The following NUAK1 variants were observed in gnomAD, a reference collection of about 807,000 sequenced individuals.
NUAK1 encodes NUAK family kinase 1.
In NUAK1, 26 loss-of-function variants were observed where a neutral mutation model predicts 56.9. The observed-to-expected ratio is 0.46, with a 90% CI of 0.33 to 0.63. NUAK1 has a LOEUF of 0.63. Ranked by LOEUF, NUAK1 falls within the 30% of genes least tolerant of loss-of-function variation. The probability of loss-of-function intolerance (pLI) is 0.02; values close to 1 mark genes in which losing one functional copy is unlikely to be tolerated. For missense variants in NUAK1, 727 were observed against 876.1 expected, an observed-to-expected ratio of 0.83 and a Z score of 2.15; for synonymous variants, 337 against 336.0, an observed-to-expected ratio of 1.00 and a Z score of -0.03.
chr12:106,102,647 T>A (rs1003122507), intron 2 of NUAK1, among the ~76,000 whole-genome samples: 2 of 152,188 alleles, frequency 1.3e-5, no homozygotes, highest in Admixed American at 6.5e-5. Flanking sequence ...AGTGTCCTCA[T>A]AATAATTATC....
chr12:106,073,637 G>GA, intron 4 of NUAK1, among the ~76,000 whole-genome samples: 1 of 152,028 alleles, frequency 6.6e-6, no homozygotes, highest in Non-Finnish European at 1.5e-5. Flanking sequence ...GGCCAACATG[G>GA]AAAAACCCCG....
intron 2 of NUAK1, among the ~76,000 whole-genome samples, chr12:106,094,897 TAG>T (rs1263389691): frequency 1.3e-5 from 2 of 152,030 alleles, no homozygotes; most frequent in African/African-American, 4.8e-5. Context: ...GTGGCCAGGA[TAG>T]AGAGAGAAGT....
At chr12:106,117,536 T>C (rs780283932) in intron 1 of NUAK1, among the ~76,000 whole-genome samples, 1 of 152,242 alleles carries the variant, frequency 6.6e-6, no homozygotes, top group Non-Finnish European at 1.5e-5. Flanking sequence ...ATGGGCCTAC[T>C]TCACTTGACC....
intron 1 of NUAK1, among the ~76,000 whole-genome samples, chr12:106,119,935 A>G (rs911798203): frequency 1.3e-5 from 2 of 152,172 alleles, no homozygotes; most frequent in African/African-American, 2.4e-5. Flanking sequence ...AATGCCTACA[A>G]TGTTTAAGAG....
At chr12:106,069,754 G>A (rs1013870724) in intron 6 of NUAK1, among the ~76,000 whole-genome samples, 1 of 152,144 alleles carries the variant, frequency 6.6e-6, no homozygotes, top group Non-Finnish European at 1.5e-5. Flanking sequence ...TAACTACTAT[G>A]AATGAGAATC....
chr12:106,067,270 G>C lies in NUAK1; in HGVS notation c.1518C>G (p.Pro506=), dbSNP rs766316370. Residue 506 remains proline, a synonymous_variant, in exon 7 of 7, where the codon CCC becomes CCG. Coordinates refer to ENST00000261402, the MANE Select transcript of NUAK1 (RefSeq NM_014840.3). The surrounding 1 kb of genome is among the most constrained non-coding windows in gnomAD (Gnocchi z 6.0). The part of the protein sequence containing the change: ...VMGSSIPSPS[P]PDPARVTSHS... ...GGGAGGTTACCCTGGCTGGGTCCGG[G>C]GGGCTGGGGGAGGGGATGCTGCTGC... 4.3e-6 allele frequency: 7 copies of C among 1,614,180 alleles called. No individual in the cohort carries two copies. The East Asian group carries it at 1.3e-4, about 31-fold the overall frequency.
intron 6 of NUAK1, among the ~76,000 whole-genome samples, chr12:106,068,392 T>C (rs1565917812): frequency 1.3e-5 from 2 of 152,234 alleles, no homozygotes; most frequent in African/African-American, 4.8e-5. Flanking sequence ...AAAGGTGGGC[T>C]TGTATAAACA....
intron 6 of NUAK1, 82 bp from the exon 7 acceptor site, chr12:106,068,037 A>G (rs1565917751): frequency 7.6e-7 from 1 of 1,317,886 alleles, no homozygotes; most frequent in Non-Finnish European, 1.0e-6. Context: ...AGGAGTGACG[A>G]AAGACACACA....
Position 106,087,082 on chromosome 12 carries a change from C to T in NUAK1, c.362-197G>A, listed in dbSNP as rs1565921154. 5.4e-6 allele frequency: 3 copies of T among 552,662 alleles called. No individual in the cohort carries two copies. In the South Asian group the frequency reaches 8.4e-5, roughly 15 times the overall value. The allele number at this position is 552,662 out of a possible 1,614,324, so 34.2% of individuals were successfully genotyped here. A position where few individuals can be genotyped will look rare whatever the true frequency, so the allele number is the denominator to read the frequency against. On this transcript the variant is annotated intron_variant, in intron 2 of 6. Coordinates refer to ENST00000261402, the MANE Select transcript of NUAK1 (RefSeq NM_014840.3). ...GCCAGGTGGAAAATGGTGTGTGTCACCACCACTGTTCCTGGACACGCCTTT... is the reference window on the plus strand; with the variant it reads ...GCCAGGTGGAAAATGGTGTGTGTCATCACCACTGTTCCTGGACACGCCTTT...
chr12:106,112,564 G>T (rs12316927), intron 1 of NUAK1, among the ~76,000 whole-genome samples: 178 of 152,126 alleles, frequency 1.2e-3, no homozygotes, highest in African/African-American at 4.2e-3. Flanking sequence ...AAATGACCCC[G>T]GGCTCTTTAT....
intron 4 of NUAK1, among the ~76,000 whole-genome samples, chr12:106,083,478 C>A (rs1560758): frequency 0.27 from 40,751 of 152,010 alleles, 5,695 homozygotes; most frequent in East Asian, 0.5. Flanking sequence ...CAGTACCTAC[C>A]TTGTAGAGTT....
intron 1 of NUAK1, among the ~76,000 whole-genome samples, chr12:106,109,087 G>A (rs2032833130): frequency 6.6e-6 from 1 of 152,214 alleles, no homozygotes; most frequent in African/African-American, 2.4e-5. Flanking sequence ...AGGGGTGACA[G>A]GAAGTCAGGA....
chr12:106,098,069 AG>A (rs1159747904), intron 2 of NUAK1, among the ~76,000 whole-genome samples: 1 of 152,184 alleles, frequency 6.6e-6, no homozygotes, highest in Non-Finnish European at 1.5e-5. Context: ...TAAGGAATAC[AG>A]GCTTTTCCAC....
Position 106,070,845 on chromosome 12 carries a change from T to C in NUAK1, c.761A>G (p.Asp254Gly). ...YTLVYGTMPF[D>G]GFDHKNLIRQ... Reference sequence around the variant, plus strand: ...AATGAGGTTTTTGTGATCGAAACCATCGAAGGGCATTGTTCCATAAACAAG... The same window carrying C: ...AATGAGGTTTTTGTGATCGAAACCACCGAAGGGCATTGTTCCATAAACAAG... Residue 254 changes from aspartate to glycine, a missense_variant, in exon 6 of 7, where the codon GAT (aspartate) becomes GGT (glycine). Transcript: ENST00000261402. 1.2e-6 allele frequency: 2 copies of C among 1,614,094 alleles called. No homozygotes were observed. Among genetic ancestry groups the C allele is most frequent in the Non-Finnish European group, 1.7e-6 (2 of 1,180,010 alleles).
intron 1 of NUAK1, among the ~76,000 whole-genome samples, chr12:106,134,249 AC>A (rs1287427154): frequency 6.6e-6 from 1 of 152,252 alleles, no homozygotes; most frequent in Non-Finnish European, 1.5e-5. Context: ...CTTAGCTGCA[AC>A]ATGGCACTTC....
chr12:106,101,186 G>C (rs1197496494), intron 2 of NUAK1, among the ~76,000 whole-genome samples: 2 of 152,178 alleles, frequency 1.3e-5, no homozygotes, highest in African/African-American at 2.4e-5. Flanking sequence ...GTAGGGGCAG[G>C]ATGGAAAAGG....
Position 106,106,583 on chromosome 12 carries a change from T to C in NUAK1, c.241-58A>G, listed in dbSNP as rs1054342903. 10 of 1,536,470 alleles carry C rather than the reference T, an allele frequency of 6.5e-6. No homozygotes were observed. In the African/African-American group the frequency reaches 8.3e-5, roughly 13 times the overall value. The stretch of plus-strand genomic sequence containing the variant: ...GAGCTAAACAGATGCAAATCAGCCA[T>C]TGGGGGAGTTTGGAAAATAAATACA... On this transcript the variant is annotated intron_variant, in intron 1 of 6. Coordinates refer to ENST00000261402, the MANE Select transcript of NUAK1 (RefSeq NM_014840.3).
intron 2 of NUAK1, 194 bp from the exon 3 acceptor site, chr12:106,087,079 T>C (rs2032580306): frequency 3.6e-6 from 2 of 558,342 alleles, no homozygotes; most frequent in East Asian, 3.0e-5. Context: ...ATGGTGTGTG[T>C]CACCACCACT....
Position 106,112,776 on chromosome 12 carries a change from C to T in NUAK1, c.241-6251G>A, listed in dbSNP as rs1422880562. ...AGAGTTGTATCAACAGGCTCTGAGG[C>T]GAGGCACTGAAGCCAGGGAGCATGG... is the stretch of plus-strand genomic sequence containing the variant. On this transcript the variant is annotated intron_variant, in intron 1 of 6. Coordinates refer to ENST00000261402, the MANE Select transcript of NUAK1 (RefSeq NM_014840.3). Among the ~76,000 whole-genome samples the T allele has an allele frequency of 5.9e-5, 9 of 152,246 alleles. No homozygotes were observed. In the East Asian group the frequency reaches 1.2e-3, roughly 20 times the overall value.
Sources: allele counts gnomAD v4.1 joint callset (sites outside exome capture counted in the v4.1 genomes callset), GRCh38; gene constraint gnomAD v4.1.1; non-coding constraint Gnocchi (gnomAD v3.1); transcripts MANE v1.5; gene names NCBI Gene and HGNC (gene_info 2026-07-23, HGNC 2026-07-21).